USP45: variants seen among roughly 807,000 people sequenced by gnomAD.
USP45 encodes ubiquitin specific peptidase 45.
In USP45, 89 loss-of-function variants were observed where a neutral mutation model predicts 95.8. The observed-to-expected ratio is 0.93, with a 90% CI of 0.78 to 1.11. The LOEUF is 1.11. Ranked by LOEUF, USP45 falls within the 50% of genes least tolerant of loss-of-function variation. The pLI, the probability that USP45 is intolerant of heterozygous loss-of-function variation, is 0.00. For missense variants in USP45, 898 were observed against 942.5 expected (o/e 0.95, Z 0.62); for synonymous variants, 281 against 316.2 (o/e 0.89, Z 1.18).
chr6:99,484,848 T>A (rs1194839425), intron 7 of USP45, among the ~76,000 whole-genome samples: 4 of 79,818 alleles, frequency 5.0e-5, no homozygotes, highest in Admixed American at 4.3e-4. Flanking sequence ...CTCTAAAAAA[T>A]AAAGTCTATT....
chr6:99,511,849 A>G (rs1156431798), intron 1 of USP45, among the ~76,000 whole-genome samples: 19 of 7,256 alleles, frequency 2.6e-3, no homozygotes, highest in Middle Eastern at 0.17. Flanking sequence ...GTGTGTGTAT[A>G]TATATATATA....
At chr6:99,442,285 G>A (rs1297333165) in intron 15 of USP45, among the ~76,000 whole-genome samples, 1 of 152,072 alleles carries the variant, frequency 6.6e-6, no homozygotes, top group East Asian at 1.9e-4. Context: ...CTTTCCATTA[G>A]GCGCTCTGAT....
intron 5 of USP45, among the ~76,000 whole-genome samples, chr6:99,494,632 T>C (rs1027569251): frequency 6.6e-6 from 1 of 152,188 alleles, no homozygotes; most frequent in African/African-American, 2.4e-5. Context: ...TGATGGCTCA[T>C]GCCTGTAATC....
intron 5 of USP45, among the ~76,000 whole-genome samples, chr6:99,495,094 T>A (rs1167455549): frequency 6.6e-6 from 1 of 152,148 alleles, no homozygotes; most frequent in East Asian, 1.9e-4. Flanking sequence ...AAAACTGAAC[T>A]ATAAACAAAG....
At chr6:99,463,800 CAAAAAAAAAAAAAAAAA>C (rs398002416) in intron 13 of USP45, among the ~76,000 whole-genome samples, 1 of 84,462 alleles carries the variant, frequency 1.2e-5, no homozygotes, top group African/African-American at 4.2e-5. Context: ...GACTCCATCT[CAAAAAAAAAAAAAAAAA>C]AAAAAAAAAA....
At chr6:99,446,656 AAACTAAC>A (rs1782611563) in intron 13 of USP45, among the ~76,000 whole-genome samples, 193 bp from the exon 14 acceptor site, 1 of 152,380 alleles carries the variant, frequency 6.6e-6, no homozygotes, top group East Asian at 1.9e-4. Context: ...TTCACACAAG[AAACTAAC>A]AACAGTGTAA....
At chr6:99,513,582 A>T (rs189580325) in intron 1 of USP45, among the ~76,000 whole-genome samples, 1 of 152,356 alleles carries the variant, frequency 6.6e-6, no homozygotes, top group Non-Finnish European at 1.5e-5. Context: ...CTTGATAAAG[A>T]TGAGCATTAA....
intron 5 of USP45, among the ~76,000 whole-genome samples, chr6:99,492,154 A>T (rs1038200998): frequency 7.2e-5 from 11 of 152,256 alleles, no homozygotes; most frequent in Non-Finnish European, 1.3e-4. Context: ...CATCTGGACA[A>T]AACTGCAGGC....
chr6:99,474,355 G>A (rs936330306), intron 9 of USP45, among the ~76,000 whole-genome samples: 16 of 152,152 alleles, frequency 1.1e-4, no homozygotes, highest in East Asian at 9.7e-4. Flanking sequence ...GCACCACCAC[G>A]CCTGGCTAAT....
At chr6:99,482,060 A>G (rs890910967) in intron 8 of USP45, among the ~76,000 whole-genome samples, 1 of 152,202 alleles carries the variant, frequency 6.6e-6, no homozygotes, top group Non-Finnish European at 1.5e-5. Context: ...GTCTATAGAT[A>G]TACAAAAACA....
intron 5 of USP45, among the ~76,000 whole-genome samples, chr6:99,495,835 C>A (rs1445794303): frequency 1.3e-5 from 2 of 152,094 alleles, no homozygotes; most frequent in Non-Finnish European, 2.9e-5. Context: ...AAAATTAACA[C>A]CCTAACATCC....
intron 1 of USP45, chr6:99,514,990 C>A (rs1436420321): frequency 6.6e-6 from 1 of 152,228 alleles, no homozygotes; most frequent in African/African-American, 2.4e-5. Flanking sequence ...CCCCGGAGCT[C>A]CTAATACACG....
intron 13 of USP45, among the ~76,000 whole-genome samples, chr6:99,449,402 A>C (rs1374597312): frequency 1.3e-5 from 2 of 152,218 alleles, no homozygotes; most frequent in East Asian, 1.9e-4. Flanking sequence ...TTAAAACAAC[A>C]AAGATCAAAA....
In USP45 at chr6:99,434,851, T is replaced by A. The variant is rs915502042; in HGVS notation, c.*865A>T. On this transcript the variant is annotated 3_prime_UTR_variant, in exon 18 of 18. Transcript: ENST00000500704. ...TTCTAATTGCCAATTCTAAATGTTA[T>A]AATCATCTATATTGGGCCTTGGCCA... 6.6e-6 allele frequency: 1 copy of A among 152,222 alleles called. No homozygotes were observed. The highest frequency in any genetic ancestry group is 2.4e-5 in the African/African-American group (1 of 41,464). 9.4% of individuals were successfully genotyped at this position (152,222 alleles called of 1,614,324 possible). A position where few individuals can be genotyped will look rare whatever the true frequency, so the allele number is the denominator to read the frequency against.
Position 99,434,213 on chromosome 6 carries a change from C to T in USP45, c.*1503G>A, listed in dbSNP as rs1562284303. 1 of 149,362 alleles carries T rather than the reference C, an allele frequency of 6.7e-6. No homozygotes were observed. Among genetic ancestry groups the T allele is most frequent in the Non-Finnish European group, 1.5e-5 (1 of 66,166 alleles). The allele number at this position is 149,362 out of a possible 1,614,324, so 9.3% of individuals were successfully genotyped here. A position where few individuals can be genotyped will look rare whatever the true frequency, so the allele number is the denominator to read the frequency against. ...TGTATACTATTACCGTCTTTAATTA[C>T]AGTTATGTTCATCCATATATCAAAA... On this transcript the variant is annotated 3_prime_UTR_variant, in exon 18 of 18. Transcript: ENST00000500704.
intron 9 of USP45, among the ~76,000 whole-genome samples, chr6:99,469,063 A>T (rs965802328): frequency 5.3e-5 from 8 of 152,184 alleles, no homozygotes; most frequent in Non-Finnish European, 1.2e-4. Context: ...TGGTTACTAT[A>T]ATCTCTATGC....
intron 16 of USP45, among the ~76,000 whole-genome samples, chr6:99,438,186 T>C (rs987618631): frequency 1.3e-5 from 2 of 152,188 alleles, no homozygotes; most frequent in Non-Finnish European, 2.9e-5. Context: ...TAGAGTATTA[T>C]GCTGCTTGAA....
intron 13 of USP45, among the ~76,000 whole-genome samples, chr6:99,448,226 G>C (rs1376713327): frequency 2.0e-5 from 3 of 152,176 alleles, no homozygotes; most frequent in Non-Finnish European, 4.4e-5. Flanking sequence ...GAAGGCTTCA[G>C]ATGATCAAAC....
At position 99,439,777 on chromosome 6, in the gene USP45, TAGCAG is replaced by T; in HGVS notation, c.2147_2151del (p.Ser716TyrfsTer3). ...ATCTTAATATACTGTACCTTACAAG[TAGCAG>T]AGCAGAATGGTGCTAAATCGAGCAT... On this transcript the variant is annotated frameshift_variant, in exon 16 of 18. Transcript: ENST00000500704. LOFTEE classifies it high-confidence loss of function. 1 of 1,595,804 alleles carries T rather than the reference TAGCAG, an allele frequency of 6.3e-7. No homozygotes were observed. The highest frequency in any genetic ancestry group is 8.5e-7 in the Non-Finnish European group (1 of 1,170,390).
Sources: gnomAD v4.1 joint callset for allele counts (sites outside exome capture counted in the v4.1 genomes callset) on GRCh38, gnomAD v4.1.1 for gene constraint, MANE v1.5 for transcripts, NCBI Gene and HGNC (gene_info 2026-07-23, HGNC 2026-07-21) for gene names.